TSPAN15: variants seen among roughly 807,000 people sequenced by gnomAD.
TSPAN15 encodes the protein tetraspanin 15.
TSPAN15 carries 20 observed loss-of-function variants against 34.5 expected under a neutral mutation model. The observed-to-expected ratio is 0.58, with a 90% confidence interval of 0.41 to 0.84. The LOEUF (loss-of-function observed/expected upper bound fraction) is 0.84, where lower values mean the gene tolerates loss of function less well. TSPAN15 is among the 40% of genes least tolerant of loss of function. The pLI is 0.00. For synonymous variants in TSPAN15, 155 were observed against 153.9 expected (o/e 1.01, Z -0.05); for missense variants, 313 against 386.1 (o/e 0.81, Z 1.59).
chr10:69,457,908 C>T (rs1277013539), intron 1 of TSPAN15, among the ~76,000 whole-genome samples: 1 of 152,228 alleles, frequency 6.6e-6, no homozygotes, highest in African/African-American at 2.4e-5. Flanking sequence ...CTGCCTTCCT[C>T]TCTAGCCTTG....
the TSPAN15 span, among the ~76,000 whole-genome samples, chr10:69,527,335 C>A: frequency 2.0e-5 from 3 of 147,730 alleles, no homozygotes; most frequent in South Asian, 4.3e-4. Context: ...GTGGCTCATG[C>A]CTGTAATCCC....
At position 69,506,343 on chromosome 10, in the gene TSPAN15, G is replaced by C; in HGVS notation, c.735+103G>C. ...AAGAGGCTTTTTTCATAGAAGTCCA[G>C]GACTTGCCTGGGGAGGGCTGCATGG... On this transcript the variant is annotated intron_variant, in intron 7 of 7. Coordinates refer to ENST00000373290, the MANE Select transcript of TSPAN15 (RefSeq NM_012339.5). The surrounding 1 kb of genome is among the most constrained non-coding windows in gnomAD (Gnocchi z 4.7). 1 of 1,127,252 alleles carries C rather than the reference G, an allele frequency of 8.9e-7. No homozygotes were observed. The highest frequency in any genetic ancestry group is 1.3e-6 in the Non-Finnish European group (1 of 767,376). 69.8% of individuals were successfully genotyped at this position (1,127,252 alleles called of 1,614,324 possible).
the TSPAN15 span, among the ~76,000 whole-genome samples, chr10:69,530,814 CTCTCTCTATATATATATATATATA>C: frequency 9.7e-3 from 596 of 61,288 alleles, 10 homozygotes; most frequent in African/African-American, 0.031. Flanking sequence ...CTCTCTCTCT[CTCTCTCTATATATATATATATATA>C]TATATATATA....
At chr10:69,512,545 A>C (rs1415233394), downstream of TSPAN15, among the ~76,000 whole-genome samples, 1 of 152,238 alleles carries the variant, frequency 6.6e-6, no homozygotes, top group Non-Finnish European at 1.5e-5. Context: ...TCACTCTAAA[A>C]AATGTCCTCT....
chr10:69,516,855 G>C, the TSPAN15 span, among the ~76,000 whole-genome samples: 2 of 152,172 alleles, frequency 1.3e-5, no homozygotes, highest in South Asian at 2.1e-4. Flanking sequence ...AGATGAGGTT[G>C]TGGTGCCTGG....
the TSPAN15 span, among the ~76,000 whole-genome samples, chr10:69,524,946 A>C: frequency 6.8e-6 from 1 of 147,270 alleles, no homozygotes; most frequent in Non-Finnish European, 1.5e-5. Context: ...ACGCCCCACT[A>C]ATTTTTGTAT....
intron 1 of TSPAN15, among the ~76,000 whole-genome samples, chr10:69,454,733 C>T (rs1841046424): frequency 6.6e-6 from 1 of 152,052 alleles, no homozygotes. Context: ...AGGAGGATCA[C>T]CTGAGCTCAG....
At chr10:69,457,759 A>G (rs1215201495) in intron 1 of TSPAN15, among the ~76,000 whole-genome samples, 1 of 152,214 alleles carries the variant, frequency 6.6e-6, no homozygotes. Context: ...TAAGTGGCCT[A>G]GACATAACTT....
the TSPAN15 span, among the ~76,000 whole-genome samples, chr10:69,519,281 G>A: frequency 0.016 from 2,462 of 152,160 alleles, 70 homozygotes; most frequent in African/African-American, 0.056. Flanking sequence ...CTATCTGGCC[G>A]TGGTGGGGTG....
intron 1 of TSPAN15, among the ~76,000 whole-genome samples, chr10:69,459,714 C>T (rs1433126744): frequency 6.6e-6 from 1 of 152,062 alleles, no homozygotes; most frequent in Non-Finnish European, 1.5e-5. Context: ...CATTGTCAGG[C>T]CCTGTGGTCT....
rs1017144396 is a variant in TSPAN15, at chr10:69,498,464, C to G, written c.570+68C>G. On this transcript the variant is annotated intron_variant, in intron 5 of 7. Transcript: ENST00000373290. Reference sequence around the variant, plus strand: ...CCAGGTGGTATAAATGTTCTCTTTTCTCTCTTCCCAACTTGAAGATGGGTG... The same window carrying G: ...CCAGGTGGTATAAATGTTCTCTTTTGTCTCTTCCCAACTTGAAGATGGGTG... 22 of 1,317,346 alleles carry G rather than the reference C, an allele frequency of 1.7e-5. No homozygotes were observed. In the South Asian group the frequency reaches 2.4e-4, roughly 14 times the overall value. 81.6% of individuals were successfully genotyped at this position (1,317,346 alleles called of 1,614,324 possible).
chr10:69,493,294 C>T (rs1221827541), intron 3 of TSPAN15, among the ~76,000 whole-genome samples: 2 of 152,170 alleles, frequency 1.3e-5, no homozygotes, highest in South Asian at 2.1e-4. Context: ...GTGCCAGGTC[C>T]GCGAAGGGCC....
At chr10:69,463,625 C>A (rs1841317515) in intron 1 of TSPAN15, among the ~76,000 whole-genome samples, 1 of 152,088 alleles carries the variant, frequency 6.6e-6, no homozygotes. Context: ...GCCTGGCCAA[C>A]ATGGTGAAAC....
Position 69,506,999 on chromosome 10 carries a change from C to T in TSPAN15, c.*21C>T, listed in dbSNP as rs369512933. ...ATTAGGGCCCAGCCTGCCATGGCAG[C>T]TCCAACAAGGACCGTCTGGGATAGC... On this transcript the variant is annotated 3_prime_UTR_variant, in exon 8 of 8. Transcript: ENST00000373290. This position sits in a 1 kb window ranked among gnomAD's most constrained non-coding sequence, Gnocchi z 4.7. The T allele has an allele frequency of 6.2e-7, 1 of 1,604,586 alleles. No individual in the cohort carries two copies. The highest frequency in any genetic ancestry group is 8.5e-7 in the Non-Finnish European group (1 of 1,176,592).
intron 4 of TSPAN15, among the ~76,000 whole-genome samples, chr10:69,496,710 A>T (rs1842092658): frequency 6.6e-6 from 1 of 152,110 alleles, no homozygotes; most frequent in African/African-American, 2.4e-5. Context: ...CTCAGTGGGG[A>T]CTAGCCTCTC....
At position 69,506,146 on chromosome 10, in the gene TSPAN15, T is replaced by C. The variant is rs768115875; in HGVS notation, c.641T>C (p.Ile214Thr). 2 of 1,614,130 alleles carry C rather than the reference T, an allele frequency of 1.2e-6. No homozygotes were observed. The highest frequency in any genetic ancestry group is 1.7e-5 in the Admixed American group (1 of 60,028). ...CAGCGTTTCAGTGTGCAGGATGTCA[T>C]CTACGTGCGGGGCTGCACCAACGCC... ...DKERFSVQDV[I>T]YVRGCTNAVI... The change falls in exon 7 of 8, where the codon ATC (isoleucine) becomes ACC (threonine). Residue 214 changes from isoleucine (I) to threonine (T), a missense_variant. Coordinates refer to ENST00000373290, the MANE Select transcript of TSPAN15 (RefSeq NM_012339.5). The surrounding 1 kb of genome is among the most constrained non-coding windows in gnomAD (Gnocchi z 4.7).
intron 1 of TSPAN15, among the ~76,000 whole-genome samples, chr10:69,479,645 G>A (rs1191651672): frequency 6.6e-6 from 1 of 152,260 alleles, no homozygotes; most frequent in Non-Finnish European, 1.5e-5. Context: ...GAGTGGAGCG[G>A]ATGGGATTGC....
Position 69,451,625 on chromosome 10 carries a change from T to C in TSPAN15, c.31T>C (p.Tyr11His). 6.5e-7 allele frequency: 1 copy of C among 1,534,392 alleles called. No individual in the cohort carries two copies. The highest frequency in any genetic ancestry group is 8.8e-7 in the Non-Finnish European group (1 of 1,138,552). Residue 11 changes from tyrosine to histidine, a missense_variant, in exon 1 of 8, where the codon TAC (tyrosine) becomes CAC (histidine). Transcript: ENST00000373290. Reference protein sequence around the residue: MPRGDSEQVRYCARFSYLWLK... With the variant: MPRGDSEQVRHCARFSYLWLK... Reference sequence around the variant, plus strand: ...GCGCGGGGACTCGGAGCAGGTGCGCTACTGCGCGCGCTTCTCCTACCTCTG... The same window carrying C: ...GCGCGGGGACTCGGAGCAGGTGCGCCACTGCGCGCGCTTCTCCTACCTCTG...
chr10:69,540,895 G>A, the TSPAN15 span, among the ~76,000 whole-genome samples: 7 of 152,292 alleles, frequency 4.6e-5, no homozygotes, highest in South Asian at 2.1e-4. Flanking sequence ...GGAGAGCTGC[G>A]GGGCTAGGAG....
Sources: gnomAD v4.1 joint callset for allele counts (sites outside exome capture counted in the v4.1 genomes callset) on GRCh38, gnomAD v4.1.1 for gene constraint, Gnocchi (gnomAD v3.1) non-coding constraint, MANE v1.5 for transcripts, NCBI Gene and HGNC (gene_info 2026-07-23, HGNC 2026-07-21) for gene names.